GALNT13: variants seen among roughly 807,000 people sequenced by gnomAD.
GALNT13 encodes the protein polypeptide N-acetylgalactosaminyltransferase 13.
In GALNT13, 28 loss-of-function variants were observed where a neutral mutation model predicts 64.2. That is an observed-to-expected ratio of 0.44 (90% CI 0.32 to 0.60). The LOEUF is 0.60. Ranked by LOEUF, GALNT13 falls within the 20% of genes least tolerant of loss-of-function variation. The probability of loss-of-function intolerance (pLI) is 0.05; values close to 1 mark genes in which losing one functional copy is unlikely to be tolerated. For synonymous variants in GALNT13, 214 were observed against 224.6 expected (o/e 0.95, Z 0.42); for missense variants, 577 against 669.8 (o/e 0.86, Z 1.53).
At chr2:153,107,287 A>C in the GALNT13 span, among the ~76,000 whole-genome samples, 1 of 152,164 alleles carries the variant, frequency 6.6e-6, no homozygotes, top group African/African-American at 2.4e-5. Context: ...TAGAGATTCA[A>C]TTGTGGTCCC....
chr2:153,782,032 G>T, the GALNT13 span, among the ~76,000 whole-genome samples: 2 of 152,076 alleles, frequency 1.3e-5, no homozygotes, highest in Non-Finnish European at 2.9e-5. Context: ...GAGAGATCTT[G>T]AGGCCTGCTA....
chr2:153,803,432 C>G, the GALNT13 span, among the ~76,000 whole-genome samples: 1 of 152,106 alleles, frequency 6.6e-6, no homozygotes, highest in Non-Finnish European at 1.5e-5. Context: ...GTGTCTTATG[C>G]CTGTAATCCC....
chr2:154,019,505 A>G (rs1024590772), intron 3 of GALNT13, among the ~76,000 whole-genome samples: 5 of 151,174 alleles, frequency 3.3e-5, no homozygotes, highest in African/African-American at 1.2e-4. Flanking sequence ...GTGGTGACGC[A>G]CACCTGAGGC....
the GALNT13 span, among the ~76,000 whole-genome samples, chr2:153,670,830 A>G: frequency 6.6e-6 from 1 of 152,212 alleles, no homozygotes; most frequent in Non-Finnish European, 1.5e-5. Flanking sequence ...ATGTCTAAAT[A>G]GAATAACCAG....
At chr2:153,892,489 G>A (rs1458292563) in intron 1 of GALNT13, among the ~76,000 whole-genome samples, 7 of 151,838 alleles carry the variant, frequency 4.6e-5, no homozygotes, top group South Asian at 2.1e-4. Flanking sequence ...TAGTTGGACC[G>A]TTATTTGAAA....
chr2:153,815,437 A>G, the GALNT13 span, among the ~76,000 whole-genome samples: 157 of 152,256 alleles, frequency 1.0e-3, no homozygotes, highest in East Asian at 0.018. Flanking sequence ...ACTTTATTCC[A>G]TTCAGGTAGA....
At chr2:153,182,960 A>G in the GALNT13 span, among the ~76,000 whole-genome samples, 2 of 151,878 alleles carry the variant, frequency 1.3e-5, no homozygotes, top group Non-Finnish European at 2.9e-5. Context: ...ATACATATAT[A>G]TTTATGATTT....
intron 9 of GALNT13, among the ~76,000 whole-genome samples, chr2:154,395,402 G>A (rs923329084): frequency 2.0e-5 from 3 of 151,770 alleles, no homozygotes; most frequent in South Asian, 2.1e-4. Flanking sequence ...TCATTTGTTT[G>A]TTAGTTTCTT....
chr2:153,689,325 A>G, the GALNT13 span, among the ~76,000 whole-genome samples: 9 of 152,020 alleles, frequency 5.9e-5, no homozygotes, highest in Non-Finnish European at 1.0e-4. Flanking sequence ...ATACTAGGCT[A>G]TTTGGATCTA....
intron 3 of GALNT13, among the ~76,000 whole-genome samples, chr2:154,072,792 A>C (rs941375989): frequency 7.2e-5 from 11 of 152,050 alleles, no homozygotes; most frequent in African/African-American, 2.4e-4. Context: ...GCTATTGGAA[A>C]ATAGTTCACT....
At chr2:154,072,359 A>T (rs1188110824) in intron 3 of GALNT13, among the ~76,000 whole-genome samples, 1 of 152,090 alleles carries the variant, frequency 6.6e-6, no homozygotes, top group African/African-American at 2.4e-5. Context: ...GCTGTGAAAA[A>T]CATTTTTAAA....
the GALNT13 span, among the ~76,000 whole-genome samples, chr2:153,139,585 C>T: frequency 1.3e-5 from 2 of 152,016 alleles, no homozygotes; most frequent in African/African-American, 2.4e-5. Flanking sequence ...AAGATATGAA[C>T]AGATGGAGAT....
In GALNT13 at chr2:154,017,405, C is replaced by T. The variant is rs1558910047; in HGVS notation, c.142+72766C>T. 2.0e-5 allele frequency among the ~76,000 whole-genome samples: 3 copies of T among 152,148 alleles called. No homozygotes were observed. The South Asian group carries it at 6.2e-4, about 31-fold the overall frequency. ...TATTTGAAAAAACTGTCAAAATCCA[C>T]TCTCTTCCTAAATAATTGGTTAATA... On this transcript the variant is annotated intron_variant, in intron 3 of 12. Coordinates refer to ENST00000392825, the MANE Select transcript of GALNT13 (RefSeq NM_052917.4).
chr2:154,167,510 C>T (rs77743821), intron 4 of GALNT13, among the ~76,000 whole-genome samples: 1 of 152,170 alleles, frequency 6.6e-6, no homozygotes, highest in South Asian at 2.1e-4. Context: ...GGAGTGATCA[C>T]TCTAACAGCA....
the GALNT13 span, among the ~76,000 whole-genome samples, chr2:153,184,098 C>T: frequency 3.3e-5 from 5 of 152,182 alleles, no homozygotes; most frequent in African/African-American, 1.2e-4. Context: ...TTCTTCCTGT[C>T]CATGAGCGTA....
At chr2:154,374,609 T>C (rs2037662) in intron 9 of GALNT13, among the ~76,000 whole-genome samples, 92,416 of 152,072 alleles carry the variant, frequency 0.61, 28,774 homozygotes, top group East Asian at 0.67. Flanking sequence ...GTACTCTAAC[T>C]ATACCAGCAG....
At chr2:153,844,119 G>A in the GALNT13 span, among the ~76,000 whole-genome samples, 2 of 152,252 alleles carry the variant, frequency 1.3e-5, no homozygotes, top group Non-Finnish European at 2.9e-5. Flanking sequence ...GGGACTCTTT[G>A]TGGGGGCTCC....
chr2:153,342,826 AG>A, the GALNT13 span, among the ~76,000 whole-genome samples: 1 of 152,162 alleles, frequency 6.6e-6, no homozygotes, highest in African/African-American at 2.4e-5. Flanking sequence ...CAAATAACGC[AG>A]GTCACTCCAT....
the GALNT13 span, among the ~76,000 whole-genome samples, chr2:153,608,012 T>G: frequency 6.6e-6 from 1 of 152,066 alleles, no homozygotes; most frequent in Non-Finnish European, 1.5e-5. Context: ...CCACCAACTT[T>G]CTCTCTGTTT....
Sources: gnomAD v4.1 joint callset for allele counts (sites outside exome capture counted in the v4.1 genomes callset) on GRCh38, gnomAD v4.1.1 for gene constraint, MANE v1.5 for transcripts, NCBI Gene and HGNC (gene_info 2026-07-23, HGNC 2026-07-21) for gene names.